KCNC2: variants seen among roughly 807,000 people sequenced by gnomAD.
The protein encoded by KCNC2 is potassium voltage-gated channel subfamily C member 2.
In KCNC2, 21 loss-of-function variants were observed where a neutral mutation model predicts 44.5. That is an observed-to-expected ratio of 0.47 (90% confidence interval 0.33 to 0.68). The LOEUF (loss-of-function observed/expected upper bound fraction) is 0.68, where lower values mean the gene tolerates loss of function less well. Among genes scored for constraint, KCNC2 ranks in the 30% least tolerant of loss-of-function variants. KCNC2 has a pLI of 0.01. For missense variants in KCNC2, 589 were observed against 826.2 expected (o/e 0.71, Z 3.52); for synonymous variants, 391 against 339.1 (o/e 1.15, Z -1.68).
At chr12:75,055,940 G>A (rs1255729236) in intron 2 of KCNC2, among the ~76,000 whole-genome samples, 1 of 151,962 alleles carries the variant, frequency 6.6e-6, no homozygotes, top group East Asian at 1.9e-4. Context: ...GTGAAATTGA[G>A]CTCTATAACA....
intron 4 of KCNC2, among the ~76,000 whole-genome samples, chr12:75,047,148 C>T (rs1460226038): frequency 2.0e-5 from 3 of 151,806 alleles, no homozygotes; most frequent in Non-Finnish European, 2.9e-5. Context: ...CCTATTCTGT[C>T]AACAAACAGA....
chr12:75,056,320 TA>T (rs1353327172), intron 2 of KCNC2, among the ~76,000 whole-genome samples: 1 of 152,040 alleles, frequency 6.6e-6, no homozygotes. Flanking sequence ...AAGAAAAACT[TA>T]AAAAATATAA....
rs1880760300 is a variant in KCNC2, at chr12:75,048,252, T to G, written c.1681A>C (p.Arg561=). The G allele has an allele frequency of 6.2e-7, 1 of 1,613,020 alleles. No individual in the cohort carries two copies. The highest frequency in any genetic ancestry group is 1.3e-5 in the African/African-American group (1 of 74,808). ...PLSPPERLPI[R]RSSTRDKNRR... ...TTTTTGTCTCTGGTACTAGAGCGTC[T>G]GATGGGGAGCCTTTCTGGGGGTGAT... The change falls in exon 4 of 5, where the codon AGA becomes CGA. Residue 561 remains arginine, a synonymous_variant. Transcript: ENST00000549446.
intron 2 of KCNC2, among the ~76,000 whole-genome samples, chr12:75,058,758 T>A (rs6582272): frequency 1.2e-4 from 18 of 151,948 alleles, no homozygotes; most frequent in East Asian, 2.0e-4. Flanking sequence ...CTTGCTGTCC[T>A]TATTCTCCTT....
chr12:75,102,564 T>C (rs927854463), intron 2 of KCNC2, among the ~76,000 whole-genome samples: 1 of 152,100 alleles, frequency 6.6e-6, no homozygotes, highest in Non-Finnish European at 1.5e-5. Flanking sequence ...AGAACTCCTT[T>C]CATAATATTT....
chr12:75,156,268 T>C (rs1212725287), intron 2 of KCNC2, among the ~76,000 whole-genome samples: 2 of 151,826 alleles, frequency 1.3e-5, no homozygotes, highest in Non-Finnish European at 2.9e-5. Flanking sequence ...TTGTACAATT[T>C]GTAGATAAGA....
At chr12:75,173,587 T>C (rs1891979113) in intron 2 of KCNC2, among the ~76,000 whole-genome samples, 4 of 151,876 alleles carry the variant, frequency 2.6e-5, no homozygotes, top group Admixed American at 2.6e-4. Context: ...ACCAGAGAAA[T>C]CCATGCCAAT....
At chr12:75,051,450 C>A in intron 2 of KCNC2, 133 bp from the exon 3 acceptor site, 2 of 588,626 alleles carry the variant, frequency 3.4e-6, no homozygotes, top group South Asian at 2.4e-5. Flanking sequence ...TTGGATATGA[C>A]CTAAGGAAAA....
intron 2 of KCNC2, among the ~76,000 whole-genome samples, chr12:75,182,290 CG>C (rs1379432882): frequency 1.3e-5 from 2 of 151,274 alleles, no homozygotes; most frequent in Non-Finnish European, 2.9e-5. Flanking sequence ...TTTGGGAGGC[CG>C]AGGGGGGCAG....
intron 2 of KCNC2, among the ~76,000 whole-genome samples, chr12:75,152,127 A>G (rs2137470658): frequency 6.6e-6 from 1 of 150,506 alleles, no homozygotes; most frequent in Non-Finnish European, 1.5e-5. Flanking sequence ...AAGAAAGGAG[A>G]GCAAATGCTG....
rs776745718 is a variant in KCNC2, at chr12:75,041,143, G to C, written c.*1962C>G. ...AAGTCTGTTTCCAGTATAGTCCTTG[G>C]TATGGCTAAATTCCACTGTCCCTTT... On this transcript the variant is annotated 3_prime_UTR_variant, in exon 5 of 5. Coordinates refer to ENST00000549446, the MANE Select transcript of KCNC2 (RefSeq NM_139137.4). The C allele has an allele frequency of 1.9e-6, 3 of 1,596,534 alleles. No homozygotes were observed. Among genetic ancestry groups the C allele is most frequent in the African/African-American group, 1.3e-5 (1 of 74,774 alleles).
At chr12:75,117,402 C>T (rs902005713) in intron 2 of KCNC2, among the ~76,000 whole-genome samples, 7 of 152,154 alleles carry the variant, frequency 4.6e-5, no homozygotes, top group Non-Finnish European at 7.3e-5. Flanking sequence ...CAACTGTCCC[C>T]CCAAAAAGAC....
chr12:75,049,568 C>A (rs1214925257), intron 3 of KCNC2, among the ~76,000 whole-genome samples: 1 of 152,026 alleles, frequency 6.6e-6, no homozygotes, highest in Non-Finnish European at 1.5e-5. Context: ...TTGTCTATAG[C>A]AATGGGGAGG....
At chr12:75,193,411 A>G (rs11180397) in intron 2 of KCNC2, among the ~76,000 whole-genome samples, 3,075 of 152,246 alleles carry the variant, frequency 0.02, 114 homozygotes, top group African/African-American at 0.07. Context: ...CCTCAAATTC[A>G]GAGGCAACAT....
At chr12:75,109,190 T>C (rs935176852) in intron 2 of KCNC2, among the ~76,000 whole-genome samples, 1 of 152,190 alleles carries the variant, frequency 6.6e-6, no homozygotes, top group East Asian at 1.9e-4. Flanking sequence ...CCAGAAATGG[T>C]ATTATCTCTT....
At chr12:75,098,492 C>G (rs924869372) in intron 2 of KCNC2, among the ~76,000 whole-genome samples, 1 of 152,150 alleles carries the variant, frequency 6.6e-6, no homozygotes, top group Non-Finnish European at 1.5e-5. Context: ...GGCACTGTGT[C>G]TCACTCCTGT....
At position 75,046,997 on chromosome 12, in the gene KCNC2, A is replaced by G. The variant is rs554034181; in HGVS notation, c.1780+1156T>C. On this transcript the variant is annotated intron_variant, in intron 4 of 4. Coordinates refer to ENST00000549446, the MANE Select transcript of KCNC2 (RefSeq NM_139137.4). ...TAAATATTTGAACCTTAAAATGGTAAATAATTCAATAGGGAGAAACTCCAA... is the reference window on the plus strand; with the variant it reads ...TAAATATTTGAACCTTAAAATGGTAGATAATTCAATAGGGAGAAACTCCAA... Among the ~76,000 whole-genome samples, 3 of 152,154 alleles carry G rather than the reference A, an allele frequency of 2.0e-5. No individual in the cohort carries two copies. In the East Asian group the frequency reaches 5.8e-4, roughly 29 times the overall value.
At chr12:75,105,083 G>A (rs1886675164) in intron 2 of KCNC2, among the ~76,000 whole-genome samples, 3 of 152,114 alleles carry the variant, frequency 2.0e-5, no homozygotes, top group Non-Finnish European at 4.4e-5. Context: ...AGTAAAATAT[G>A]TGGTATGTAA....
At chr12:75,190,928 A>G (rs1489772301) in intron 2 of KCNC2, among the ~76,000 whole-genome samples, 3 of 152,078 alleles carry the variant, frequency 2.0e-5, no homozygotes, top group African/African-American at 7.2e-5. Flanking sequence ...TATCATTTAT[A>G]TATGGCATAT....
Sources: allele counts gnomAD v4.1 joint callset (sites outside exome capture counted in the v4.1 genomes callset), GRCh38; gene constraint gnomAD v4.1.1; transcripts MANE v1.5; gene names NCBI Gene and HGNC (gene_info 2026-07-23, HGNC 2026-07-21).